Variants in AP1B1 observed in about 807,000 individuals in gnomAD.
The protein encoded by AP1B1 is AP-1 complex subunit beta-1.
Under a neutral mutation model 104.3 loss-of-function variants are expected in AP1B1, and 36 were observed. The observed-to-expected ratio is 0.35, with a 90% CI of 0.26 to 0.46. The LOEUF (loss-of-function observed/expected upper bound fraction) is 0.46, where lower values mean the gene tolerates loss of function less well. Among genes scored for constraint, AP1B1 ranks in the 20% least tolerant of loss-of-function variants. The pLI is 1.00. For missense variants in AP1B1, 901 were observed against 1,247.9 expected (o/e 0.72, Z 4.19); for synonymous variants, 504 against 517.5 (o/e 0.97, Z 0.35).
intron 1 of AP1B1, among the ~76,000 whole-genome samples, chr22:29,380,877 G>T (rs1353529458): frequency 6.6e-6 from 1 of 152,122 alleles, no homozygotes; most frequent in Non-Finnish European, 1.5e-5. Context: ...ACGGTTCTCT[G>T]TCTTACTCAT....
rs770695714 is a variant in AP1B1, at chr22:29,330,525, C to T, written c.2619G>A (p.Ala873=). 25 of 1,609,980 alleles carry T rather than the reference C, an allele frequency of 1.6e-5. No individual in the cohort carries two copies. The highest frequency in any genetic ancestry group is 1.9e-5 in the Non-Finnish European group (22 of 1,176,730). The change falls in exon 21 of 23, where the codon GCG becomes GCA. Residue 873 remains alanine (A), a synonymous_variant. Transcript: ENST00000357586. ...IRDCPLNAEA[A]SSKLQSSNIF... ...TGTTGCTGCTCTGCAGCTTGCTGCT[C>T]GCAGCCTCTGTGGGGTCACATGGCC... is the stretch of plus-strand genomic sequence containing the variant.
chr22:29,371,568 A>C (rs1329682476), intron 1 of AP1B1, among the ~76,000 whole-genome samples: 1 of 151,928 alleles, frequency 6.6e-6, no homozygotes, highest in Non-Finnish European at 1.5e-5. Flanking sequence ...CATCTCTATG[A>C]AAAATAAAAA....
intron 5 of AP1B1, among the ~76,000 whole-genome samples, chr22:29,357,431 T>A (rs188190992): frequency 3.9e-5 from 6 of 152,254 alleles, no homozygotes; most frequent in African/African-American, 1.4e-4. Flanking sequence ...AGTGGTGCAA[T>A]CTTGGCTTAC....
At chr22:29,369,820 T>C (rs2148028114) in intron 1 of AP1B1, among the ~76,000 whole-genome samples, 1 of 151,546 alleles carries the variant, frequency 6.6e-6, no homozygotes, top group Admixed American at 6.6e-5. Flanking sequence ...AACAGGAATT[T>C]ACCGACATTA....
Position 29,367,272 on chromosome 22 carries a change from T to A in AP1B1, c.-27-2A>T, listed in dbSNP as rs1451421587. 1 of 1,529,934 alleles carries A rather than the reference T, an allele frequency of 6.5e-7. No individual in the cohort carries two copies. The highest frequency in any genetic ancestry group is 9.0e-7 in the Non-Finnish European group (1 of 1,107,190). 94.8% of individuals were successfully genotyped at this position (1,529,934 alleles called of 1,614,324 possible). On this transcript the variant is annotated splice_acceptor_variant, in intron 1 of 22. Coordinates refer to ENST00000357586, the MANE Select transcript of AP1B1 (RefSeq NM_001127.4). LOFTEE classifies it low-confidence loss of function (5UTR_SPLICE). ...GGTCCCTTATCTGTAGCCAGGCTTC[T>A]GCAAGAGAGAGAAGAGAGGGGTGAC...
chr22:29,341,037 T>C (rs548772799), intron 13 of AP1B1, among the ~76,000 whole-genome samples, 180 bp from the exon 14 acceptor site: 1 of 152,312 alleles, frequency 6.6e-6, no homozygotes, highest in Non-Finnish European at 1.5e-5. Flanking sequence ...GGTCCATCTT[T>C]CAGGTCCTCC....
chr22:29,358,800 TGTC>T lies in AP1B1; in HGVS notation c.448_450del (p.Asp150del). 8 of 1,614,226 alleles carry T rather than the reference TGTC, an allele frequency of 5.0e-6. No homozygotes were observed. The highest frequency in any genetic ancestry group is 6.8e-6 in the Non-Finnish European group (8 of 1,180,032). On this transcript the variant is annotated inframe_deletion, in exon 5 of 23. Transcript: ENST00000357586. ...TGGTCCTCCACCAGCTGGGCGTTGA[TGTC>T]GTGGAGCTTGGCCACGCACACAGCT... is the stretch of plus-strand genomic sequence containing the variant.
chr22:29,355,734 C>T (rs930282121), intron 6 of AP1B1, among the ~76,000 whole-genome samples: 1 of 150,694 alleles, frequency 6.6e-6, no homozygotes, highest in African/African-American at 2.4e-5. Context: ...TGTCTCTATA[C>T]AAAATATAAA....
chr22:29,376,198 A>G (rs2062338202), intron 1 of AP1B1, among the ~76,000 whole-genome samples: 1 of 152,230 alleles, frequency 6.6e-6, no homozygotes, highest in African/African-American at 2.4e-5. Context: ...AAGAAGCCAA[A>G]CAACAGAGTG....
rs913437434 is a variant in AP1B1, at chr22:29,360,863, T to C, written c.144-904A>G. Among the ~76,000 whole-genome samples the C allele has an allele frequency of 2.6e-5, 4 of 152,302 alleles. No individual in the cohort carries two copies. The South Asian group carries it at 6.2e-4, about 24-fold the overall frequency. On this transcript the variant is annotated intron_variant, in intron 3 of 22. Transcript: ENST00000357586. The stretch of plus-strand genomic sequence containing the variant: ...TCATCATATCCCCTCTCAATTCTTA[T>C]GTGTTTATAGGAAAGGACGTGTCAA...
At position 29,388,436 on chromosome 22, in the gene AP1B1, A is replaced by C. The variant is rs1265906664; in HGVS notation, c.-40T>G. On this transcript the variant is annotated 5_prime_UTR_variant, in exon 1 of 23. Transcript: ENST00000357586. ...CCCGCTTCCTCACCCGCAGGTCCCAATAGCTCCCGGCGCCCCGGCTCGGTT... is the reference window on the plus strand; with the variant it reads ...CCCGCTTCCTCACCCGCAGGTCCCACTAGCTCCCGGCGCCCCGGCTCGGTT... 6.6e-6 allele frequency: 1 copy of C among 152,284 alleles called. No homozygotes were observed. 9.4% of individuals were successfully genotyped at this position (152,284 alleles called of 1,614,324 possible). A position where few individuals can be genotyped will look rare whatever the true frequency, so the allele number is the denominator to read the frequency against.
At chr22:29,365,150 G>T (rs1198693493) in intron 2 of AP1B1, among the ~76,000 whole-genome samples, 1 of 152,188 alleles carries the variant, frequency 6.6e-6, no homozygotes, top group African/African-American at 2.4e-5. Flanking sequence ...AATGCTGGTA[G>T]GGGGCAGGGC....
intron 1 of AP1B1, among the ~76,000 whole-genome samples, chr22:29,374,559 GA>G (rs35256140): frequency 0.3 from 46,361 of 152,020 alleles, 7,592 homozygotes; most frequent in East Asian, 0.67. Context: ...CACAGAAACT[GA>G]AACTACGGTG....
intron 3 of AP1B1, among the ~76,000 whole-genome samples, chr22:29,362,747 C>T (rs577432366): frequency 1.3e-5 from 2 of 152,340 alleles, no homozygotes; most frequent in East Asian, 1.9e-4. Context: ...TCATGCCACA[C>T]CCACTCCATT....
chr22:29,341,853 G>T, intron 12 of AP1B1, 93 bp from the exon 13 acceptor site: 1 of 1,444,670 alleles, frequency 6.9e-7, no homozygotes, highest in Non-Finnish European at 9.3e-7. Context: ...TGCGGCACAG[G>T]GGTGGCCAAT....
chr22:29,340,507 G>A (rs1458847125), intron 14 of AP1B1, 149 bp downstream of exon 14: 1 of 872,148 alleles, frequency 1.1e-6, no homozygotes, highest in Non-Finnish European at 1.7e-6. Context: ...CATAAGTAGG[G>A]AGCTACACAA....
chr22:29,346,508 G>A (rs2061794336), intron 11 of AP1B1, among the ~76,000 whole-genome samples: 1 of 152,200 alleles, frequency 6.6e-6, no homozygotes, highest in Non-Finnish European at 1.5e-5. Flanking sequence ...GTTCATAATA[G>A]AGTTTGCGCT....
At chr22:29,371,024 C>T (rs969996832) in intron 1 of AP1B1, among the ~76,000 whole-genome samples, 1 of 152,072 alleles carries the variant, frequency 6.6e-6, no homozygotes, top group Non-Finnish European at 1.5e-5. Flanking sequence ...GGAGGAGATG[C>T]GGAGAAAAGT....
intron 16 of AP1B1, among the ~76,000 whole-genome samples, chr22:29,334,622 T>A (rs1038104490): frequency 1.3e-5 from 2 of 152,148 alleles, no homozygotes; most frequent in Middle Eastern, 3.2e-3. Context: ...ACAGGCTGCC[T>A]CTCGGAGCAG....
Sources: allele counts gnomAD v4.1 joint callset (sites outside exome capture counted in the v4.1 genomes callset), GRCh38; gene constraint gnomAD v4.1.1; transcripts MANE v1.5; gene names NCBI Gene and HGNC (gene_info 2026-07-23, HGNC 2026-07-21).